AP3B1: variants seen among roughly 807,000 people sequenced by gnomAD.
AP3B1 encodes AP-3 complex subunit beta-1.
Under a neutral mutation model 132.5 loss-of-function variants are expected in AP3B1, and 61 were observed. That is an observed-to-expected ratio of 0.46 (90% CI 0.37 to 0.57). AP3B1 has a LOEUF of 0.57. Among genes scored for constraint, AP3B1 ranks in the 20% least tolerant of loss-of-function variants. The pLI is 0.00. For synonymous variants in AP3B1, 388 were observed against 438.3 expected (o/e 0.89, Z 1.43); for missense variants, 1,120 against 1,289.4 (o/e 0.87, Z 2.01).
chr5:78,036,019 C>T (rs1198393369), intron 23 of AP3B1, among the ~76,000 whole-genome samples: 4 of 152,036 alleles, frequency 2.6e-5, no homozygotes, highest in African/African-American at 7.2e-5. Context: ...TAGCAAATTC[C>T]GTCATCTCCA....
chr5:78,288,237 C>T (rs1448018176), intron 1 of AP3B1, among the ~76,000 whole-genome samples: 1 of 152,188 alleles, frequency 6.6e-6, no homozygotes. Context: ...CAATTTAACA[C>T]TAATTGTATA....
chr5:78,200,104 G>C (rs1437369188), intron 7 of AP3B1, among the ~76,000 whole-genome samples: 3 of 152,080 alleles, frequency 2.0e-5, no homozygotes, highest in South Asian at 2.1e-4. Flanking sequence ...GCTTACTATA[G>C]AACCCTACAG....
chr5:78,162,053 CAAAGA>C (rs1743408991), intron 13 of AP3B1, among the ~76,000 whole-genome samples: 1 of 151,918 alleles, frequency 6.6e-6, no homozygotes, highest in African/African-American at 2.4e-5. Flanking sequence ...AATGATTTTA[CAAAGA>C]AAATTATGCT....
At chr5:78,235,043 G>C (rs1746816750) in intron 3 of AP3B1, among the ~76,000 whole-genome samples, 1 of 151,908 alleles carries the variant, frequency 6.6e-6, no homozygotes, top group Non-Finnish European at 1.5e-5. Context: ...TATGTTTAAA[G>C]AGAGATAGGG....
chr5:78,021,521 A>C (rs1040029239), intron 24 of AP3B1, among the ~76,000 whole-genome samples: 11 of 152,162 alleles, frequency 7.2e-5, no homozygotes, highest in Non-Finnish European at 1.2e-4. Flanking sequence ...AAATTTTTTA[A>C]AGTTAGATGT....
rs574520292 is a variant in AP3B1, at chr5:78,122,297, T to C, written c.1968+5733A>G. On this transcript the variant is annotated intron_variant, in intron 17 of 26. Transcript: ENST00000255194. Reference sequence around the variant, plus strand: ...TTTGAAAACTGGCACAAGACAGGGATGCCCTCTCTCACCACTCCTATTCAA... The same window carrying C: ...TTTGAAAACTGGCACAAGACAGGGACGCCCTCTCTCACCACTCCTATTCAA... 2.9e-4 allele frequency among the ~76,000 whole-genome samples: 44 copies of C among 152,336 alleles called. 1 individual carries two copies. In the South Asian group the frequency reaches 8.7e-3, roughly 30 times the overall value.
chr5:78,104,213 T>G (rs968763146), intron 20 of AP3B1, among the ~76,000 whole-genome samples: 1 of 152,284 alleles, frequency 6.6e-6, no homozygotes, highest in East Asian at 1.9e-4. Context: ...ATGACTTTTT[T>G]CCTTCAAGTT....
chr5:78,152,226 T>C (rs1318015955), intron 14 of AP3B1, among the ~76,000 whole-genome samples: 3 of 151,058 alleles, frequency 2.0e-5, no homozygotes, highest in Non-Finnish European at 4.4e-5. Context: ...CCTTCTTCTG[T>C]TTTTTGGAAT....
At position 78,068,798 on chromosome 5, in the gene AP3B1, A is replaced by C. The variant is rs971387974; in HGVS notation, c.2577+20595T>G. On this transcript the variant is annotated intron_variant, in intron 22 of 26. Transcript: ENST00000255194. Reference sequence around the variant, plus strand: ...ACCAAAACCTGTCAGAGATAACAACAAAAAAAAAAGCAAACTTCAGGCCAA... The same window carrying C: ...ACCAAAACCTGTCAGAGATAACAACCAAAAAAAAAGCAAACTTCAGGCCAA... Among the ~76,000 whole-genome samples, 7 of 81,922 alleles carry C rather than the reference A, an allele frequency of 8.5e-5. No individual in the cohort carries two copies. The East Asian group carries it at 1.9e-3, about 22-fold the overall frequency. 53.7% of individuals were successfully genotyped at this position (81,922 alleles called of 152,430 possible). A position where few individuals can be genotyped will look rare whatever the true frequency, so the allele number is the denominator to read the frequency against.
intron 1 of AP3B1, among the ~76,000 whole-genome samples, chr5:78,273,366 A>C (rs1264742334): frequency 6.6e-6 from 1 of 152,158 alleles, no homozygotes; most frequent in African/African-American, 2.4e-5. Flanking sequence ...ATGCCACTGC[A>C]CTGTGGCCTG....
Position 78,015,562 on chromosome 5 carries a change from A to C in AP3B1, c.2993-14T>G, listed in dbSNP as rs1746825182. 8 of 1,613,020 alleles carry C rather than the reference A, an allele frequency of 5.0e-6. No homozygotes were observed. The highest frequency in any genetic ancestry group is 8.5e-7 in the Non-Finnish European group (1 of 1,179,460). On this transcript the variant is annotated splice_polypyrimidine_tract_variant and intron_variant, in intron 25 of 26. Transcript: ENST00000255194. The stretch of plus-strand genomic sequence containing the variant: ...CTGTTAGCACTCCTGTAAAAGCAAA[A>C]GAAGGCTCCCTTTTATTAATTTCTT...
chr5:78,242,570 C>A (rs1747185711), intron 2 of AP3B1, among the ~76,000 whole-genome samples: 3 of 152,084 alleles, frequency 2.0e-5, no homozygotes, highest in Admixed American at 2.0e-4. Flanking sequence ...CCACCACTGG[C>A]TAATTTTTGT....
rs952871515 is a variant in AP3B1, at chr5:78,267,693, G to A, written c.129-98C>T. 11 of 751,288 alleles carry A rather than the reference G, an allele frequency of 1.5e-5. No individual in the cohort carries two copies. The South Asian group carries it at 1.6e-4, about 11-fold the overall frequency. 46.5% of individuals were successfully genotyped at this position (751,288 alleles called of 1,614,324 possible). A position where few individuals can be genotyped will look rare whatever the true frequency, so the allele number is the denominator to read the frequency against. ...ATAAGAATTAGAAGTAATATCATGG[G>A]CAATGTTAAATAACTGCAGCAAGAA... On this transcript the variant is annotated intron_variant, in intron 1 of 26. Transcript: ENST00000255194.
Position 78,177,375 on chromosome 5 carries a change from A to G in AP3B1, c.1004T>C (p.Ile335Thr). Residue 335 changes from isoleucine (I) to threonine (T), a missense_variant, in exon 9 of 27, where the codon ATT (isoleucine) becomes ACT (threonine). Transcript: ENST00000255194. Reference protein sequence around the residue: ...HISPKSEAGIISKSLVRLLRS... With the variant: ...HISPKSEAGITSKSLVRLLRS... The stretch of plus-strand genomic sequence containing the variant: ...AAGTAAACGCACTAGTGATTTAGAA[A>G]TTATGCCAGCTTCAGATTTTGGTGA... 6.2e-7 allele frequency: 1 copy of G among 1,614,034 alleles called. No individual in the cohort carries two copies. The highest frequency in any genetic ancestry group is 1.1e-5 in the South Asian group (1 of 91,080).
intron 1 of AP3B1, among the ~76,000 whole-genome samples, chr5:78,273,397 T>C (rs921855622): frequency 1.3e-5 from 2 of 152,062 alleles, no homozygotes; most frequent in Non-Finnish European, 2.9e-5. Flanking sequence ...TAAGAACCTA[T>C]CTCTCTCAAG....
chr5:78,260,997 C>T (rs1034869250), intron 2 of AP3B1, among the ~76,000 whole-genome samples: 8 of 152,186 alleles, frequency 5.3e-5, no homozygotes, highest in Non-Finnish European at 7.3e-5. Flanking sequence ...GTACCACATT[C>T]GTTTATTCAT....
rs139395082 is a variant in AP3B1, at chr5:78,181,519, G to A, written c.930C>T (p.Ser310=). The change falls in exon 8 of 27, where the codon AGC becomes AGT. Residue 310 remains serine (S), a synonymous_variant. Coordinates refer to ENST00000255194, the MANE Select transcript of AP3B1 (RefSeq NM_003664.5). ...GATTTTAACATACCGCAGCATTCCT[G>A]CTCTGAAGCAAAGGCTTTGTATTTC... ...LIRNTKPLLQ[S]RNAAVVMAVA... is the part of the protein sequence containing the mutation. 3.1e-6 allele frequency: 5 copies of A among 1,612,736 alleles called. No homozygotes were observed. Among genetic ancestry groups the A allele is most frequent in the East Asian group, 2.2e-5 (1 of 44,770 alleles).
chr5:78,267,523 A>T lies in AP3B1; in HGVS notation c.201T>A (p.Val67=), dbSNP rs368888623. ...SAKLDAMKRI[V]GMIAKGKNAS... ...AGTAAATGAGTATTTTACCTACCCC[A>T]ACAATCCGCTTCATAGCATCCAGTT... Residue 67 remains valine (V), a synonymous_variant, in exon 2 of 27, where the codon GTT becomes GTA. Coordinates refer to ENST00000255194, the MANE Select transcript of AP3B1 (RefSeq NM_003664.5). The T allele has an allele frequency of 5.0e-6, 8 of 1,609,048 alleles. No homozygotes were observed. The highest frequency in any genetic ancestry group is 6.8e-6 in the Non-Finnish European group (8 of 1,176,618).
At chr5:78,212,727 T>C (rs1745793877) in intron 7 of AP3B1, among the ~76,000 whole-genome samples, 1 of 152,170 alleles carries the variant, frequency 6.6e-6, no homozygotes, top group African/African-American at 2.4e-5. Flanking sequence ...CCTTGTCTTT[T>C]TATTCTATAA....
Sources: gnomAD v4.1 joint callset for allele counts (sites outside exome capture counted in the v4.1 genomes callset) on GRCh38, gnomAD v4.1.1 for gene constraint, MANE v1.5 for transcripts, NCBI Gene and HGNC (gene_info 2026-07-23, HGNC 2026-07-21) for gene names.